OXR1: variants seen among roughly 807,000 people sequenced by gnomAD.
OXR1 encodes the protein oxidation resistance 1.
In OXR1, 41 loss-of-function variants were observed where a neutral mutation model predicts 104.6. That is an observed-to-expected ratio of 0.39 (90% CI 0.31 to 0.51). The LOEUF (loss-of-function observed/expected upper bound fraction) is 0.51. Among genes scored for constraint, OXR1 ranks in the 20% least tolerant of loss-of-function variants. The pLI is 0.77. For synonymous variants in OXR1, 348 were observed against 348.4 expected, an observed-to-expected ratio of 1.00 and a Z score of 0.01; for missense variants, 955 against 1,031.9, an observed-to-expected ratio of 0.93 and a Z score of 1.02.
chr8:106,302,525 G>T (rs769643199), intron 1 of OXR1, among the ~76,000 whole-genome samples: 3 of 150,416 alleles, frequency 2.0e-5, no homozygotes, highest in East Asian at 4.0e-4. Context: ...GGCGGAGCTT[G>T]CAGTGAGCTT....
intron 2 of OXR1, among the ~76,000 whole-genome samples, chr8:106,505,800 G>A (rs772223390): frequency 8.5e-5 from 13 of 152,174 alleles, no homozygotes; most frequent in Non-Finnish European, 1.6e-4. Flanking sequence ...GACTATCAGG[G>A]CACTATGGAC....
At position 106,348,817 on chromosome 8, in the gene OXR1, C is replaced by T. The variant is rs1285125317; in HGVS notation, c.-138-10659C>T. 3.3e-5 allele frequency among the ~76,000 whole-genome samples: 5 copies of T among 152,186 alleles called. No individual in the cohort carries two copies. In the East Asian group the frequency reaches 9.7e-4, roughly 29 times the overall value. ...TCAGCAGAGAGTGGAAACAAACACA[C>T]TGAGCAGTAGTAATCCGAGGGAAGA... On this transcript the variant is annotated intron_variant, in intron 1 of 16. Coordinates refer to ENST00000517566, the MANE Select transcript of OXR1 (RefSeq NM_001198533.2).
chr8:106,278,879 C>T (rs1812167739), intron 1 of OXR1, among the ~76,000 whole-genome samples: 1 of 152,084 alleles, frequency 6.6e-6, no homozygotes. Flanking sequence ...AAGTTAGTAG[C>T]TTTCAGGCTA....
At chr8:106,589,211 G>T (rs986647157) in intron 3 of OXR1, among the ~76,000 whole-genome samples, 3 of 152,174 alleles carry the variant, frequency 2.0e-5, no homozygotes, top group Admixed American at 6.5e-5. Context: ...GCAGATGTGG[G>T]TTGTAAAATG....
chr8:106,393,577 C>G (rs1040146804), intron 2 of OXR1, among the ~76,000 whole-genome samples: 119 of 152,144 alleles, frequency 7.8e-4, no homozygotes, highest in African/African-American at 2.8e-3. Flanking sequence ...CACTTAAATG[C>G]TATTAAAATA....
chr8:106,476,448 G>T (rs1018452271), intron 2 of OXR1, among the ~76,000 whole-genome samples: 2 of 151,830 alleles, frequency 1.3e-5, no homozygotes, highest in African/African-American at 4.8e-5. Context: ...AAGGTTCAGA[G>T]GTTAGCAGCT....
intron 3 of OXR1, among the ~76,000 whole-genome samples, chr8:106,660,208 C>G (rs1014591467): frequency 6.6e-6 from 1 of 152,178 alleles, no homozygotes. Flanking sequence ...TGTATATACA[C>G]AAGTGAAAAA....
intron 1 of OXR1, among the ~76,000 whole-genome samples, chr8:106,288,300 C>T (rs1248140360): frequency 6.6e-6 from 1 of 152,136 alleles, no homozygotes; most frequent in South Asian, 2.1e-4. Flanking sequence ...ACATTGCCGA[C>T]AGCCTGAGCA....
At chr8:106,380,247 T>C (rs1389266479) in intron 2 of OXR1, among the ~76,000 whole-genome samples, 1 of 148,794 alleles carries the variant, frequency 6.7e-6, no homozygotes, top group Non-Finnish European at 1.5e-5. Flanking sequence ...TTCTGTTTTT[T>C]CCCCTTAACA....
intron 1 of OXR1, among the ~76,000 whole-genome samples, chr8:106,351,361 T>C (rs1462764489): frequency 6.6e-6 from 1 of 152,130 alleles, no homozygotes; most frequent in African/African-American, 2.4e-5. Flanking sequence ...AAGAACAGGA[T>C]GTTGTGAAAG....
intron 1 of OXR1, among the ~76,000 whole-genome samples, chr8:106,345,519 G>A (rs547021622): frequency 5.9e-5 from 9 of 152,302 alleles, no homozygotes; most frequent in East Asian, 1.9e-4. Context: ...GAATGGAAAT[G>A]TTTAAGTCGT....
chr8:106,630,551 T>C (rs1822588699), intron 3 of OXR1, among the ~76,000 whole-genome samples: 1 of 152,214 alleles, frequency 6.6e-6, no homozygotes, highest in Non-Finnish European at 1.5e-5. Flanking sequence ...TCTTTTCACT[T>C]ACTAGGCACA....
intron 1 of OXR1, among the ~76,000 whole-genome samples, chr8:106,354,100 G>A (rs1034501060): frequency 6.8e-6 from 1 of 146,844 alleles, no homozygotes; most frequent in Middle Eastern, 3.2e-3. Flanking sequence ...CAGGCCCTTT[G>A]CCCATTTTTT....
chr8:106,640,302 G>A (rs577401724), intron 3 of OXR1, among the ~76,000 whole-genome samples: 7 of 150,678 alleles, frequency 4.6e-5, no homozygotes, highest in South Asian at 2.1e-4. Context: ...TTGTATATAC[G>A]TATTTGTGTA....
At chr8:106,504,346 G>C (rs1812016165) in intron 2 of OXR1, among the ~76,000 whole-genome samples, 1 of 152,180 alleles carries the variant, frequency 6.6e-6, no homozygotes, top group South Asian at 2.1e-4. Context: ...GAGCAACTAA[G>C]TGTTTCTGAG....
chr8:106,608,507 T>A (rs1442875865), intron 3 of OXR1, among the ~76,000 whole-genome samples: 1 of 152,220 alleles, frequency 6.6e-6, no homozygotes, highest in Non-Finnish European at 1.5e-5. Flanking sequence ...GTCAGACATC[T>A]GCCTTTGAAG....
chr8:106,291,892 A>G (rs1014114521), intron 1 of OXR1, among the ~76,000 whole-genome samples: 3 of 152,118 alleles, frequency 2.0e-5, no homozygotes, highest in African/African-American at 4.8e-5. Context: ...ATTCACTACC[A>G]TGAGAACAGC....
chr8:106,592,864 TG>T (rs1463022737), intron 3 of OXR1, among the ~76,000 whole-genome samples: 1 of 152,176 alleles, frequency 6.6e-6, no homozygotes, highest in East Asian at 1.9e-4. Context: ...GGAAAACAGA[TG>T]GTAGGATAAG....
At chr8:106,298,596 T>C (rs777802342) in intron 1 of OXR1, among the ~76,000 whole-genome samples, 3 of 151,742 alleles carry the variant, frequency 2.0e-5, no homozygotes, top group Non-Finnish European at 4.4e-5. Context: ...TGAAAGCGAG[T>C]GGGATGGAAT....
Sources: gnomAD v4.1 joint callset for allele counts (sites outside exome capture counted in the v4.1 genomes callset) on GRCh38, gnomAD v4.1.1 for gene constraint, MANE v1.5 for transcripts, NCBI Gene and HGNC (gene_info 2026-07-23, HGNC 2026-07-21) for gene names.